ZBTB7C: variants seen among roughly 807,000 people sequenced by gnomAD.
ZBTB7C encodes the protein zinc finger and BTB domain containing 7C.
Under a neutral mutation model 25.7 loss-of-function variants are expected in ZBTB7C, and 8 were observed. The observed-to-expected ratio is 0.31, with a 90% confidence interval of 0.18 to 0.56. The LOEUF (loss-of-function observed/expected upper bound fraction) is 0.56, where lower values mean the gene tolerates loss of function less well. Ranked by LOEUF, ZBTB7C falls within the 20% of genes least tolerant of loss-of-function variation. ZBTB7C has a pLI of 0.91. For synonymous variants in ZBTB7C, 394 were observed against 369.0 expected (o/e 1.07, Z -0.78); for missense variants, 824 against 855.2 (o/e 0.96, Z 0.46).
chr18:48,188,666 T>A (rs2042121105), intron 2 of ZBTB7C, among the ~76,000 whole-genome samples: 1 of 152,148 alleles, frequency 6.6e-6, no homozygotes, highest in Admixed American at 6.5e-5. Context: ...TATTCCCACC[T>A]CTTGAAGTCC....
intron 3 of ZBTB7C, among the ~76,000 whole-genome samples, chr18:48,140,249 CAG>C (rs1448786613): frequency 2.0e-5 from 3 of 152,228 alleles, no homozygotes; most frequent in Non-Finnish European, 4.4e-5. Flanking sequence ...CACGCAGATA[CAG>C]AGTGTCTGCA....
intron 3 of ZBTB7C, among the ~76,000 whole-genome samples, chr18:48,091,196 C>A (rs916054058): frequency 1.0e-4 from 15 of 148,818 alleles, no homozygotes; most frequent in Admixed American, 2.0e-4. Flanking sequence ...TTCAGCCTCC[C>A]GAGTAGCTGG....
At chr18:48,096,863 CAT>C (rs1188812727) in intron 3 of ZBTB7C, among the ~76,000 whole-genome samples, 3 of 152,196 alleles carry the variant, frequency 2.0e-5, no homozygotes, top group Non-Finnish European at 4.4e-5. Flanking sequence ...GGGTCTAAGT[CAT>C]TTTCCCCTCC....
intron 2 of ZBTB7C, among the ~76,000 whole-genome samples, chr18:48,301,914 C>A (rs1045412129): frequency 6.6e-6 from 1 of 152,098 alleles, no homozygotes; most frequent in Non-Finnish European, 1.5e-5. Flanking sequence ...GCTAGAGCAG[C>A]GCTCTGATGG....
intron 1 of ZBTB7C, among the ~76,000 whole-genome samples, chr18:48,357,502 GCGT>G (rs1490839004): frequency 6.6e-6 from 1 of 152,232 alleles, no homozygotes; most frequent in Non-Finnish European, 1.5e-5. Flanking sequence ...TCAGCGCTCA[GCGT>G]CGTTTAGGTG....
chr18:48,127,425 TTCTGG>T (rs1218783194), intron 3 of ZBTB7C, among the ~76,000 whole-genome samples: 1 of 152,234 alleles, frequency 6.6e-6, no homozygotes. Flanking sequence ...TCATTTTTAG[TTCTGG>T]TCTTACCTGG....
chr18:48,097,139 C>A (rs1368461516), intron 3 of ZBTB7C, among the ~76,000 whole-genome samples: 1 of 152,232 alleles, frequency 6.6e-6, no homozygotes, highest in African/African-American at 2.4e-5. Context: ...ATCCCACTCA[C>A]TGAACATAGT....
At chr18:48,324,842 G>T (rs1001024175) in intron 2 of ZBTB7C, among the ~76,000 whole-genome samples, 1 of 152,174 alleles carries the variant, frequency 6.6e-6, no homozygotes, top group Non-Finnish European at 1.5e-5. Context: ...TCCAGGGAAG[G>T]GGGTGGTGAG....
At chr18:48,074,171 G>A (rs1288197055) in intron 3 of ZBTB7C, among the ~76,000 whole-genome samples, 2 of 151,972 alleles carry the variant, frequency 1.3e-5, no homozygotes, top group Non-Finnish European at 2.9e-5. Flanking sequence ...ATGCCACCAC[G>A]CCTAGCTAAT....
Position 48,175,927 on chromosome 18 carries a change from A to G in ZBTB7C, c.-17+10007T>C, listed in dbSNP as rs2041660212. 2.6e-5 allele frequency among the ~76,000 whole-genome samples: 4 copies of G among 152,352 alleles called. 1 individual carries two copies. The highest frequency in any genetic ancestry group is 2.6e-4 in the Admixed American group (4 of 15,302). ...AGAATGGAGGCAGTGCTGGAGTTGGAAATGCATCATTGTGCAACCTCATGT... is the reference window on the plus strand; with the variant it reads ...AGAATGGAGGCAGTGCTGGAGTTGGGAATGCATCATTGTGCAACCTCATGT... On this transcript the variant is annotated intron_variant, in intron 3 of 4. Coordinates refer to ENST00000590800, the MANE Select transcript of ZBTB7C (RefSeq NM_001318841.2).
chr18:48,308,617 G>A (rs1282982495), intron 2 of ZBTB7C, among the ~76,000 whole-genome samples: 1 of 152,232 alleles, frequency 6.6e-6, no homozygotes, highest in African/African-American at 2.4e-5. Context: ...TGTTTAAGAT[G>A]TCACAGCAAT....
chr18:48,264,127 G>A (rs2144529384), intron 2 of ZBTB7C, among the ~76,000 whole-genome samples: 1 of 152,290 alleles, frequency 6.6e-6, no homozygotes, highest in Non-Finnish European at 1.5e-5. Context: ...CAGTACCTAA[G>A]GCCTGTGACT....
intron 2 of ZBTB7C, among the ~76,000 whole-genome samples, chr18:48,229,946 G>T (rs1335775534): frequency 1.3e-5 from 2 of 152,148 alleles, no homozygotes; most frequent in East Asian, 1.9e-4. Context: ...GGAAGCAGGG[G>T]GCTGCCTGGG....
intron 2 of ZBTB7C, among the ~76,000 whole-genome samples, chr18:48,306,177 C>T (rs2045669611): frequency 6.6e-6 from 1 of 152,166 alleles, no homozygotes; most frequent in Non-Finnish European, 1.5e-5. Flanking sequence ...GCTATGTAGA[C>T]ACCTCCTTTA....
intron 2 of ZBTB7C, among the ~76,000 whole-genome samples, chr18:48,304,984 C>G (rs4940351): frequency 0.27 from 40,689 of 151,898 alleles, 6,364 homozygotes; most frequent in East Asian, 0.72. Flanking sequence ...TGAGGTGCCT[C>G]GAGCCTTTGT....
At chr18:48,225,442 C>T (rs1471152392) in intron 2 of ZBTB7C, among the ~76,000 whole-genome samples, 1 of 152,106 alleles carries the variant, frequency 6.6e-6, no homozygotes, top group Non-Finnish European at 1.5e-5. Context: ...AAACTGCCTG[C>T]TGCGTTACAG....
intron 2 of ZBTB7C, among the ~76,000 whole-genome samples, chr18:48,282,069 C>T (rs2044870551): frequency 6.7e-6 from 1 of 149,458 alleles, no homozygotes; most frequent in Non-Finnish European, 1.5e-5. Context: ...CCCAAATGTC[C>T]AACAATGATA....
Position 48,395,641 on chromosome 18 carries a change from G to A in ZBTB7C, c.-304+13585C>T, listed in dbSNP as rs543010794. ...ATGTTAGTCTGCCCATGAAGCAGGC[G>A]GGAAGGAGAGCTCAGTCACCAGGTA... is the stretch of plus-strand genomic sequence containing the variant. On this transcript the variant is annotated intron_variant, in intron 1 of 4. Coordinates refer to ENST00000590800, the MANE Select transcript of ZBTB7C (RefSeq NM_001318841.2). 1.6e-4 allele frequency among the ~76,000 whole-genome samples: 24 copies of A among 152,240 alleles called. No individual in the cohort carries two copies. In the South Asian group the frequency reaches 4.3e-3, roughly 28 times the overall value.
intron 1 of ZBTB7C, among the ~76,000 whole-genome samples, chr18:48,354,163 A>C (rs1360349492): frequency 6.6e-6 from 1 of 152,108 alleles, no homozygotes; most frequent in Non-Finnish European, 1.5e-5. Context: ...GGCCTGAACA[A>C]ACAGGTTTTT....
Sources: gnomAD v4.1 joint callset for allele counts (sites outside exome capture counted in the v4.1 genomes callset) on GRCh38, gnomAD v4.1.1 for gene constraint, MANE v1.5 for transcripts, NCBI Gene and HGNC (gene_info 2026-07-23, HGNC 2026-07-21) for gene names.